FILIP1L: variants seen among roughly 807,000 people sequenced by gnomAD.
The protein encoded by FILIP1L is filamin A-interacting protein 1-like.
A neutral mutation model predicts 96.6 loss-of-function variants in FILIP1L; 55 were observed. That is an observed-to-expected ratio of 0.57 (90% CI 0.46 to 0.71). The LOEUF is 0.71. Ranked by LOEUF, FILIP1L falls within the 30% of genes least tolerant of loss-of-function variation. The pLI is 0.00. For synonymous variants in FILIP1L, 467 were observed against 473.9 expected (o/e 0.99, Z 0.19); for missense variants, 1,304 against 1,321.2 (o/e 0.99, Z 0.20).
intron 1 of FILIP1L, among the ~76,000 whole-genome samples, chr3:99,946,531 G>A (rs1418552140): frequency 1.3e-5 from 2 of 152,176 alleles, no homozygotes; most frequent in African/African-American, 2.4e-5. Context: ...TGATGTAGCT[G>A]CAGCTAAAGA....
At chr3:100,040,173 G>A (rs1408675157) in intron 1 of FILIP1L, 2 of 151,976 alleles carry the variant, frequency 1.3e-5, no homozygotes, top group Non-Finnish European at 2.9e-5. Flanking sequence ...TGAGAAGTAG[G>A]AACCTAAGAC....
At chr3:100,066,036 A>G (rs1480938611) in intron 1 of FILIP1L, among the ~76,000 whole-genome samples, 1 of 152,246 alleles carries the variant, frequency 6.6e-6, no homozygotes, top group Non-Finnish European at 1.5e-5. Flanking sequence ...TCTAATGCAC[A>G]TTAAAGTTTG....
chr3:99,903,668 C>G (rs1421954488), intron 4 of FILIP1L, among the ~76,000 whole-genome samples: 1 of 152,064 alleles, frequency 6.6e-6, no homozygotes, highest in Non-Finnish European at 1.5e-5. Context: ...AGGAGTAATT[C>G]ATTTTTTAAG....
intron 4 of FILIP1L, among the ~76,000 whole-genome samples, chr3:99,853,686 A>G (rs1201739243): frequency 6.6e-6 from 1 of 152,192 alleles, no homozygotes; most frequent in South Asian, 2.1e-4. Context: ...TGGCATCCCC[A>G]TCTGTTCCCC....
chr3:99,970,582 G>A (rs182947614), intron 1 of FILIP1L, among the ~76,000 whole-genome samples: 14 of 152,232 alleles, frequency 9.2e-5, no homozygotes, highest in Admixed American at 8.5e-4. Context: ...TTTCCTTGTA[G>A]TTTACTAGTA....
intron 1 of FILIP1L, among the ~76,000 whole-genome samples, chr3:100,062,517 C>T (rs745551347): frequency 6.6e-6 from 1 of 152,024 alleles, no homozygotes; most frequent in Non-Finnish European, 1.5e-5. Context: ...GTCCCTCATA[C>T]GGGGGTCAGT....
rs182992697 is a variant in FILIP1L, at chr3:99,891,874, T to G, written c.605+32356A>C. ...CCAACTATTAACAAAACTACACTTT[T>G]TAAGTTCTAGTCATTCTTAGGTCTA... On this transcript the variant is annotated intron_variant, in intron 4 of 5. Coordinates refer to ENST00000477258, the MANE Select transcript of FILIP1L (RefSeq NM_001387850.1). 7.2e-5 allele frequency among the ~76,000 whole-genome samples: 11 copies of G among 152,320 alleles called. No individual in the cohort carries two copies. The East Asian group carries it at 1.7e-3, about 24-fold the overall frequency.
intron 4 of FILIP1L, among the ~76,000 whole-genome samples, chr3:99,859,657 T>C (rs529886697): frequency 6.6e-6 from 1 of 152,340 alleles, no homozygotes; most frequent in African/African-American, 2.4e-5. Flanking sequence ...TAATACATAA[T>C]TTTAACTGTG....
intron 5 of FILIP1L, among the ~76,000 whole-genome samples, chr3:99,836,557 C>T (rs186872444): frequency 6.6e-5 from 10 of 152,218 alleles, no homozygotes; most frequent in East Asian, 5.8e-4. Context: ...ACTCAACTGC[C>T]GCTCTTTTCT....
At chr3:100,038,617 A>G (rs191144151) in intron 1 of FILIP1L, among the ~76,000 whole-genome samples, 6 of 152,328 alleles carry the variant, frequency 3.9e-5, no homozygotes, top group Admixed American at 6.5e-5. Context: ...CATTTATCCA[A>G]TACTATGCTT....
chr3:99,930,943 T>C lies in FILIP1L; in HGVS notation c.78A>G (p.Gln26=). The C allele has an allele frequency of 6.2e-7, 1 of 1,613,742 alleles. No individual in the cohort carries two copies. Among genetic ancestry groups the C allele is most frequent in the Non-Finnish European group, 8.5e-7 (1 of 1,179,896 alleles). Residue 26 remains glutamine, a synonymous_variant, in exon 2 of 6, where the codon CAA becomes CAG. Coordinates refer to ENST00000477258, the MANE Select transcript of FILIP1L (RefSeq NM_001387850.1). ...GTCTATGCTTCATGTTTTTAGGCCC[T>C]TGGAAACTGTGGCCTTTAGTATGTC... ...FPRHTKGHSF[Q]GPKNMKHRQQ...
At chr3:99,963,532 C>T (rs1259055522) in intron 1 of FILIP1L, among the ~76,000 whole-genome samples, 4 of 151,976 alleles carry the variant, frequency 2.6e-5, no homozygotes, top group Non-Finnish European at 4.4e-5. Flanking sequence ...GTTGATTGAG[C>T]GGGATATTTA....
chr3:99,879,737 T>C (rs1705657323), intron 4 of FILIP1L, among the ~76,000 whole-genome samples: 2 of 152,228 alleles, frequency 1.3e-5, no homozygotes, highest in South Asian at 2.1e-4. Context: ...GTATATGACA[T>C]GTTTGCTTCT....
rs139363349 is a variant in FILIP1L, at chr3:99,986,506, C to T, written c.-10-55476G>A. On this transcript the variant is annotated intron_variant, in intron 1 of 5. Coordinates refer to ENST00000477258, the MANE Select transcript of FILIP1L (RefSeq NM_001387850.1). ...GAAAGTTGATAGTGAAAGAAATAGA[C>T]GAGAACAGGAGTTACAGGGCTTATA... Among the ~76,000 whole-genome samples, 376 of 152,022 alleles carry T rather than the reference C, an allele frequency of 2.5e-3. 1 individual carries two copies. Among genetic ancestry groups the T allele is most frequent in the African/African-American group, 8.5e-3 (351 of 41,456 alleles).
Position 100,074,675 on chromosome 3 carries a change from A to ATTTTTTTTTTTTTTTTTTTTTT in FILIP1L, c.-11+39356_-11+39377dup, listed in dbSNP as rs555819875. ...ATTTTCTATGCATGTGCAACATTTG[A>ATTTTTTTTTTTTTTTTTTTTTT]TTTTTTTTTTTTTTTTTTTTTTTTT... On this transcript the variant is annotated intron_variant, in intron 1 of 5. Coordinates refer to ENST00000477258, the MANE Select transcript of FILIP1L (RefSeq NM_001387850.1). Among the ~76,000 whole-genome samples, 30 of 34,802 alleles carry ATTTTTTTTTTTTTTTTTTTTTT rather than the reference A, an allele frequency of 8.6e-4. 11 individuals carry two copies. Among genetic ancestry groups the ATTTTTTTTTTTTTTTTTTTTTT allele is most frequent in the East Asian group, 2.1e-3 (2 of 942 alleles). The allele number at this position is 34,802 out of a possible 152,430, so 22.8% of individuals were successfully genotyped here.
chr3:99,832,543 TAA>T (rs746255036), intron 5 of FILIP1L, among the ~76,000 whole-genome samples: 5 of 42,406 alleles, frequency 1.2e-4, no homozygotes, highest in East Asian at 1.0e-3. Context: ...CCCAAATCTT[TAA>T]AAAAAAAAAA....
At chr3:100,091,493 T>C (rs544186144) in intron 1 of FILIP1L, among the ~76,000 whole-genome samples, 1 of 152,232 alleles carries the variant, frequency 6.6e-6, no homozygotes, top group Non-Finnish European at 1.5e-5. Flanking sequence ...AGATGCATGC[T>C]GATAAATGCT....
intron 1 of FILIP1L, among the ~76,000 whole-genome samples, chr3:99,950,017 G>A (rs747860939): frequency 9.9e-4 from 151 of 151,970 alleles, no homozygotes; most frequent in Non-Finnish European, 1.8e-3. Flanking sequence ...TTCTACCTTC[G>A]ACTTTATATG....
intron 5 of FILIP1L, among the ~76,000 whole-genome samples, chr3:99,833,589 G>C (rs2107489479): frequency 6.6e-6 from 1 of 152,352 alleles, no homozygotes; most frequent in South Asian, 2.1e-4. Context: ...CTGGAGTCAG[G>C]ATGTTTCCTT....
Sources: allele counts gnomAD v4.1 joint callset (sites outside exome capture counted in the v4.1 genomes callset), GRCh38; gene constraint gnomAD v4.1.1; transcripts MANE v1.5; gene names NCBI Gene and HGNC (gene_info 2026-07-23, HGNC 2026-07-21).